The following CNTNAP2 variants were observed in gnomAD, a reference collection of about 807,000 sequenced individuals.
CNTNAP2 encodes contactin associated protein 2.
Under a neutral mutation model 155.2 loss-of-function variants are expected in CNTNAP2, and 98 were observed. The observed-to-expected ratio is 0.63, with a 90% CI of 0.54 to 0.75. CNTNAP2 has a LOEUF of 0.75. CNTNAP2 is among the 30% of genes least tolerant of loss of function. CNTNAP2 has a pLI of 0.00. For synonymous variants in CNTNAP2, 651 were observed against 631.2 expected, an observed-to-expected ratio of 1.03 and a Z score of -0.47; for missense variants, 1,727 against 1,688.1, an observed-to-expected ratio of 1.02 and a Z score of -0.40.
intron 15 of CNTNAP2, among the ~76,000 whole-genome samples, chr7:148,001,604 C>A (rs746474590): frequency 7.9e-5 from 12 of 152,120 alleles, no homozygotes; most frequent in Non-Finnish European, 1.6e-4. Flanking sequence ...GCTCAAGATG[C>A]TTTATACATG....
chr7:148,242,024 C>G (rs969344490), intron 20 of CNTNAP2, among the ~76,000 whole-genome samples: 3 of 152,164 alleles, frequency 2.0e-5, no homozygotes, highest in Non-Finnish European at 4.4e-5. Flanking sequence ...CTTGTAAGAC[C>G]AAGGTTGGGA....
chr7:146,134,989 C>T (rs1032923587), intron 1 of CNTNAP2, among the ~76,000 whole-genome samples: 1 of 151,822 alleles, frequency 6.6e-6, no homozygotes, highest in East Asian at 1.9e-4. Context: ...AGGAATGGTA[C>T]CAGTTCCTCC....
At chr7:147,673,823 T>A (rs1795826452) in intron 13 of CNTNAP2, among the ~76,000 whole-genome samples, 1 of 152,200 alleles carries the variant, frequency 6.6e-6, no homozygotes, top group Non-Finnish European at 1.5e-5. Context: ...GAGAAAGTTT[T>A]CTGAAATATA....
chr7:146,801,289 A>G (rs1196224728), intron 2 of CNTNAP2, among the ~76,000 whole-genome samples: 1 of 152,110 alleles, frequency 6.6e-6, no homozygotes, highest in South Asian at 2.1e-4. Context: ...TTCATGAGGG[A>G]TCCACCCCCA....
chr7:147,706,181 G>GT (rs767715009), intron 13 of CNTNAP2, among the ~76,000 whole-genome samples: 3,327 of 133,436 alleles, frequency 0.025, 95 homozygotes, highest in African/African-American at 0.067. Context: ...AACATTTGAG[G>GT]TTTTTTTTTT....
intron 1 of CNTNAP2, among the ~76,000 whole-genome samples, chr7:146,162,093 T>TGAAGCC (rs566506890): frequency 3.3e-5 from 5 of 152,196 alleles, no homozygotes; most frequent in African/African-American, 4.8e-5. Context: ...ATTCAGGACA[T>TGAAGCC]AGGCATGGGC....
intron 3 of CNTNAP2, among the ~76,000 whole-genome samples, chr7:146,978,433 A>T (rs780303536): frequency 2.0e-5 from 3 of 152,150 alleles, no homozygotes; most frequent in Non-Finnish European, 4.4e-5. Flanking sequence ...CAGAAAAATG[A>T]CATTTCCAGG....
In CNTNAP2 at chr7:146,872,714, C is replaced by G. The variant is rs142127544; in HGVS notation, c.402+32810C>G. Among the ~76,000 whole-genome samples the G allele has an allele frequency of 2.5e-3, 378 of 152,266 alleles. 2 individuals are homozygous for G. Among genetic ancestry groups the G allele is most frequent in the African/African-American group, 8.7e-3 (363 of 41,568 alleles). ...TTGTATACACATTAGGAGATAATAG[C>G]TAGAAGGCTTAACATCTATCTTAGA... On this transcript the variant is annotated intron_variant, in intron 3 of 23. Transcript: ENST00000361727.
At chr7:146,846,957 T>C (rs1803852729) in intron 3 of CNTNAP2, among the ~76,000 whole-genome samples, 1 of 152,158 alleles carries the variant, frequency 6.6e-6, no homozygotes, top group Admixed American at 6.6e-5. Context: ...TTGTTATCAA[T>C]TATACTAATA....
chr7:146,247,152 G>C (rs1799673744), intron 1 of CNTNAP2, among the ~76,000 whole-genome samples: 1 of 152,116 alleles, frequency 6.6e-6, no homozygotes, highest in African/African-American at 2.4e-5. Context: ...TCTCAGGGTT[G>C]CTGCCAAACG....
intron 12 of CNTNAP2, among the ~76,000 whole-genome samples, chr7:147,576,201 T>G (rs1270683575): frequency 1.3e-5 from 2 of 151,992 alleles, no homozygotes; most frequent in African/African-American, 2.4e-5. Context: ...CCCAGCAGAG[T>G]GTCTGGTATA....
At chr7:146,156,405 A>G (rs1184572915) in intron 1 of CNTNAP2, among the ~76,000 whole-genome samples, 2 of 152,216 alleles carry the variant, frequency 1.3e-5, no homozygotes, top group African/African-American at 4.8e-5. Context: ...AAAACTGGTG[A>G]TATACATGTG....
intron 1 of CNTNAP2, among the ~76,000 whole-genome samples, chr7:146,201,454 A>T (rs1172913627): frequency 1.3e-5 from 2 of 152,202 alleles, no homozygotes; most frequent in African/African-American, 2.4e-5. Context: ...CCTCTGCTGG[A>T]TGTTCAAGAT....
intron 10 of CNTNAP2, among the ~76,000 whole-genome samples, chr7:147,462,798 A>C (rs945365686): frequency 2.0e-5 from 3 of 152,080 alleles, no homozygotes; most frequent in African/African-American, 2.4e-5. Flanking sequence ...GGTTTTTTTG[A>C]GATGGAGTCT....
chr7:147,982,509 C>CA (rs1050460066), intron 15 of CNTNAP2, among the ~76,000 whole-genome samples: 1 of 152,104 alleles, frequency 6.6e-6, no homozygotes, highest in Non-Finnish European at 1.5e-5. Context: ...GAAGGAAAGG[C>CA]AAGGCAGTAG....
In CNTNAP2 at chr7:146,599,845, A is replaced by ATAAT. The variant is rs1267720323; in HGVS notation, c.98-174425_98-174424insAATT. On this transcript the variant is annotated intron_variant, in intron 1 of 23. Transcript: ENST00000361727. ...CAATGCCTAGAATATAAGACACTAAATTTTTTGAATGAAATACTTAAGAAA... is the reference window on the plus strand; with the variant it reads ...CAATGCCTAGAATATAAGACACTAAATAATTTTTTTGAATGAAATACTTAAGAAA... 5.3e-5 allele frequency among the ~76,000 whole-genome samples: 8 copies of ATAAT among 151,036 alleles called. No individual in the cohort carries two copies. The South Asian group carries it at 1.7e-3, about 32-fold the overall frequency.
At chr7:148,122,047 C>T (rs1804607068) in intron 16 of CNTNAP2, among the ~76,000 whole-genome samples, 1 of 152,176 alleles carries the variant, frequency 6.6e-6, no homozygotes, top group South Asian at 2.1e-4. Flanking sequence ...AGCTCAGCTT[C>T]ATTCAGACTT....
chr7:148,398,413 G>C (rs922679683), intron 22 of CNTNAP2, among the ~76,000 whole-genome samples: 1 of 152,186 alleles, frequency 6.6e-6, no homozygotes, highest in Non-Finnish European at 1.5e-5. Context: ...TTGAGATACC[G>C]AGGTTCCAGC....
intron 1 of CNTNAP2, among the ~76,000 whole-genome samples, chr7:146,302,825 T>G (rs533116565): frequency 1.3e-5 from 2 of 152,188 alleles, no homozygotes; most frequent in Non-Finnish European, 2.9e-5. Context: ...GCTATACTTC[T>G]GTTACTAGAA....
Sources: gnomAD v4.1 joint callset for allele counts (sites outside exome capture counted in the v4.1 genomes callset) on GRCh38, gnomAD v4.1.1 for gene constraint, MANE v1.5 for transcripts, NCBI Gene and HGNC (gene_info 2026-07-23, HGNC 2026-07-21) for gene names.